The following ITGA7 variants were observed in gnomAD, a reference collection of about 807,000 sequenced individuals.
ITGA7 encodes the protein integrin alpha-7.
In ITGA7, 84 loss-of-function variants were observed where a neutral mutation model predicts 131.6. The ratio of observed to expected loss-of-function variants is 0.64; its 90% CI spans 0.54 to 0.77. The LOEUF is 0.77. ITGA7 is among the 30% of genes least tolerant of loss of function. The pLI, the probability that ITGA7 is intolerant of heterozygous loss-of-function variation, is 0.00. For missense variants in ITGA7, 1,399 were observed against 1,482.9 expected, an observed-to-expected ratio of 0.94 and a Z score of 0.93; for synonymous variants, 548 against 600.7, an observed-to-expected ratio of 0.91 and a Z score of 1.28.
At chr12:55,714,105 G>A (rs1876323947), upstream of ITGA7, among the ~76,000 whole-genome samples, 1 of 152,120 alleles carries the variant, frequency 6.6e-6, no homozygotes, top group African/African-American at 2.4e-5. Flanking sequence ...GGCCAGGCAC[G>A]GTGGCTCACA....
chr12:55,703,189 G>C lies in ITGA7; in HGVS notation c.207-11C>G, dbSNP rs752138013. 6.2e-7 allele frequency: 1 copy of C among 1,606,668 alleles called. No homozygotes were observed. Among genetic ancestry groups the C allele is most frequent in the South Asian group, 1.1e-5 (1 of 90,978 alleles). On this transcript the variant is annotated splice_polypyrimidine_tract_variant and intron_variant, in intron 1 of 24. Transcript: ENST00000257879. ...GCACCCACCAGCAGCCTGCAAGATG[G>C]GGCAGGGGCAGGGACAGGGACAGGA...
intron 24 of ITGA7, 123 bp downstream of exon 24, chr12:55,687,848 G>T: frequency 7.8e-7 from 1 of 1,290,266 alleles, no homozygotes; most frequent in Non-Finnish European, 1.1e-6. Context: ...GACATGCAGG[G>T]CAAGTGTTCA....
Position 55,707,820 on chromosome 12 carries a change from G to GGGCCGGCCC in ITGA7, c.-139_-138insGGGCCGGCC. 6.9e-7 allele frequency: 1 copy of GGGCCGGCCC among 1,455,778 alleles called. No homozygotes were observed. Among genetic ancestry groups the GGGCCGGCCC allele is most frequent in the Non-Finnish European group, 9.1e-7 (1 of 1,102,490 alleles). The allele number at this position is 1,455,778 out of a possible 1,614,324, so 90.2% of individuals were successfully genotyped here. A position where few individuals can be genotyped will look rare whatever the true frequency, so the allele number is the denominator to read the frequency against. ...CGTCTCCCAGACGTTCGCCCCGCCA[G>GGGCCGGCCC]CCCTCCCGCCCGCCCGCCGCTCCGC... On this transcript the variant is annotated 5_prime_UTR_variant, in exon 1 of 25. Transcript: ENST00000257879.
chr12:55,708,080 C>G (rs1592499671), upstream of ITGA7: 25 of 968,782 alleles, frequency 2.6e-5, no homozygotes, highest in South Asian at 1.1e-3. Flanking sequence ...AGCCCAGCAC[C>G]GTCTCCGGCT....
chr12:55,688,907 G>A lies in ITGA7; in HGVS notation c.2895C>T (p.Tyr965=), dbSNP rs1392586078. 2.5e-6 allele frequency: 4 copies of A among 1,613,936 alleles called. No homozygotes were observed. The highest frequency in any genetic ancestry group is 3.3e-5 in the Admixed American group (2 of 59,998). The change falls in exon 22 of 25, where the codon TAC becomes TAT. Residue 965 remains tyrosine, a synonymous_variant. Coordinates refer to ENST00000257879, the MANE Select transcript of ITGA7 (RefSeq NM_002206.3). ...GCAGCACAGCCGCGCGGTCAAAGCT[G>A]TAGAGTGGGCAGCTGAACACCACAC... ...ANCVVFSCPL[Y]SFDRAAVLHV... is the part of the protein sequence containing the mutation.
chr12:55,698,450 GC>G lies in ITGA7; in HGVS notation c.1124del (p.Gly375AlafsTer131). On this transcript the variant is annotated frameshift_variant, in exon 7 of 25. Transcript: ENST00000257879. LOFTEE classifies it high-confidence loss of function. The part of the protein sequence containing the change: ...WAGISPLRLC[G>X]SPDSMFGISL... ...TGATCCCGAACATGGAGTCAGGGGA[GC>G]CGCAGAGCCGGAGAGGGGAGATCCC... The G allele has an allele frequency of 1.2e-6, 2 of 1,613,676 alleles. No homozygotes were observed. Among genetic ancestry groups the G allele is most frequent in the Non-Finnish European group, 1.7e-6 (2 of 1,179,700 alleles).
chr12:55,686,534 C>T (rs78083339), intron 24 of ITGA7, among the ~76,000 whole-genome samples: 3 of 152,282 alleles, frequency 2.0e-5, no homozygotes, highest in East Asian at 1.9e-4. Flanking sequence ...TCACACTTGC[C>T]AAAGGGTGGC....
In ITGA7 at chr12:55,688,935, T is replaced by G. The variant is rs767264932; in HGVS notation, c.2867A>C (p.Asn956Thr). ...ITLDCARGTA[N>T]CVVFSCPLYS... Reference sequence around the variant, plus strand: ...GAGTGGGCAGCTGAACACCACACAGTTGGCCGTGCCCCGGGCGCAGTCCTA... The same window carrying G: ...GAGTGGGCAGCTGAACACCACACAGGTGGCCGTGCCCCGGGCGCAGTCCTA... Residue 956 changes from asparagine (N) to threonine (T), a missense_variant, in exon 22 of 25, where the codon AAC becomes ACC. Transcript: ENST00000257879. 1.2e-6 allele frequency: 2 copies of G among 1,613,928 alleles called. No homozygotes were observed. The highest frequency in any genetic ancestry group is 1.1e-5 in the South Asian group (1 of 91,066).
chr12:55,716,294 C>T (rs1261514418), upstream of ITGA7: 6 of 1,514,424 alleles, frequency 4.0e-6, no homozygotes, highest in Non-Finnish European at 4.4e-6. Context: ...CAGGGAAAGA[C>T]GCCAGCTAGC....
chr12:55,684,877 C>G lies in ITGA7; in HGVS notation c.*181G>C, dbSNP rs1321710212. The G allele has an allele frequency of 8.3e-6, 5 of 605,906 alleles. No individual in the cohort carries two copies. Among genetic ancestry groups the G allele is most frequent in the African/African-American group, 1.9e-5 (1 of 53,988 alleles). The allele number at this position is 605,906 out of a possible 1,614,324, so 37.5% of individuals were successfully genotyped here. On this transcript the variant is annotated 3_prime_UTR_variant, in exon 25 of 25. Transcript: ENST00000257879. ...ATTTACCCACTCTCATCTCACAGCACTCTAAGGGGAAGTTGGGTGGGAGGA... is the reference window on the plus strand; with the variant it reads ...ATTTACCCACTCTCATCTCACAGCAGTCTAAGGGGAAGTTGGGTGGGAGGA...
At chr12:55,708,932 G>C (rs1455053918), upstream of ITGA7, among the ~76,000 whole-genome samples, 1 of 152,062 alleles carries the variant, frequency 6.6e-6, no homozygotes, top group Non-Finnish European at 1.5e-5. Flanking sequence ...GGGGGTGGGG[G>C]GACACTTTCC....
At position 55,698,504 on chromosome 12, in the gene ITGA7, C is replaced by T. The variant is rs776709976; in HGVS notation, c.1071G>A (p.Val357=). The change falls in exon 7 of 25, where the codon GTG becomes GTA. Residue 357 remains valine (V), a synonymous_variant. Coordinates refer to ENST00000257879, the MANE Select transcript of ITGA7 (RefSeq NM_002206.3). ...RQEELGGAVY[V]YLNQGGHWAG... ...CCCAGTGACCCCCCTGGTTCAAGTACACATACACAGCACCCCCCAGCTCTT... is the reference window on the plus strand; with the variant it reads ...CCCAGTGACCCCCCTGGTTCAAGTATACATACACAGCACCCCCCAGCTCTT... The T allele has an allele frequency of 1.6e-5, 26 of 1,614,152 alleles. No homozygotes were observed. The highest frequency in any genetic ancestry group is 2.0e-5 in the Non-Finnish European group (24 of 1,180,018).
At chr12:55,689,695 C>T (rs554737953) in intron 21 of ITGA7, among the ~76,000 whole-genome samples, 3 of 152,208 alleles carry the variant, frequency 2.0e-5, no homozygotes, top group Non-Finnish European at 4.4e-5. Flanking sequence ...TTCAAGAATC[C>T]TTAGCCAAGC....
chr12:55,698,934 T>G lies in ITGA7; in HGVS notation c.791-17A>C, dbSNP rs1427216711. ...TAGAGAAGCCTGGGGGAAGGGTGACTTACCCCTAAGTCTTCACCCCAAGAC... is the reference window on the plus strand; with the variant it reads ...TAGAGAAGCCTGGGGGAAGGGTGACGTACCCCTAAGTCTTCACCCCAAGAC... On this transcript the variant is annotated splice_polypyrimidine_tract_variant and intron_variant, in intron 5 of 24. Coordinates refer to ENST00000257879, the MANE Select transcript of ITGA7 (RefSeq NM_002206.3). The G allele has an allele frequency of 6.3e-7, 1 of 1,594,400 alleles. No homozygotes were observed. The highest frequency in any genetic ancestry group is 1.8e-5 in the Admixed American group (1 of 57,138).
At chr12:55,700,757 A>G (rs1592465072) in intron 4 of ITGA7, 142 bp downstream of exon 4, 1 of 1,079,444 alleles carries the variant, frequency 9.3e-7, no homozygotes, top group Non-Finnish European at 1.4e-6. Flanking sequence ...CACTAGCTCA[A>G]TGGGGTGGAA....
upstream of ITGA7, chr12:55,716,184 A>G: frequency 6.2e-7 from 1 of 1,610,720 alleles, no homozygotes; most frequent in Non-Finnish European, 8.5e-7. Flanking sequence ...GAATGAACGC[A>G]AGGAGCTGCA....
At chr12:55,714,583 G>C (rs1230160389), upstream of ITGA7, among the ~76,000 whole-genome samples, 5 of 150,714 alleles carry the variant, frequency 3.3e-5, no homozygotes, top group South Asian at 4.2e-4. Context: ...CTACTCAGGA[G>C]GCTGAGGCAG....
chr12:55,702,390 G>A lies in ITGA7; in HGVS notation c.414+482C>T, dbSNP rs538715434. On this transcript the variant is annotated intron_variant, in intron 3 of 24. Transcript: ENST00000257879. ...AGAGACGGGGTTTCACCATGGTCTC[G>A]ATCTCCTTACCTCGTGATCCACCCA... Among the ~76,000 whole-genome samples the A allele has an allele frequency of 1.1e-4, 17 of 151,868 alleles. No individual in the cohort carries two copies. The South Asian group carries it at 3.3e-3, about 30-fold the overall frequency.
upstream of ITGA7, among the ~76,000 whole-genome samples, chr12:55,715,157 C>A (rs1292000004): frequency 6.6e-6 from 1 of 152,228 alleles, no homozygotes; most frequent in Non-Finnish European, 1.5e-5. Flanking sequence ...CCGCACCCGG[C>A]TAATCACGGC....
Sources: gnomAD v4.1 joint callset for allele counts (sites outside exome capture counted in the v4.1 genomes callset) on GRCh38, gnomAD v4.1.1 for gene constraint, MANE v1.5 for transcripts, NCBI Gene and HGNC (gene_info 2026-07-23, HGNC 2026-07-21) for gene names.